PPP2R2C: variants seen among roughly 807,000 people sequenced by gnomAD.
PPP2R2C encodes protein phosphatase 2 regulatory subunit Bgamma.
Under a neutral mutation model 45.3 loss-of-function variants are expected in PPP2R2C, and 10 were observed. The ratio of observed to expected loss-of-function variants is 0.22; its 90% confidence interval spans 0.14 to 0.37. The LOEUF (loss-of-function observed/expected upper bound fraction) is 0.37. Ranked by LOEUF, PPP2R2C falls within the 10% of genes least tolerant of loss-of-function variation. The pLI is 1.00. For missense variants in PPP2R2C, 308 were observed against 619.7 expected, an observed-to-expected ratio of 0.50 and a Z score of 5.34; for synonymous variants, 257 against 245.4, an observed-to-expected ratio of 1.05 and a Z score of -0.44.
At chr4:6,379,085 C>T (rs545546474) in intron 2 of PPP2R2C, among the ~76,000 whole-genome samples, 2 of 152,192 alleles carry the variant, frequency 1.3e-5, no homozygotes, top group East Asian at 1.9e-4. Flanking sequence ...CTGGATTCCA[C>T]GTGTCCAACT....
chr4:6,443,214 G>T (rs764293150), intron 1 of PPP2R2C, among the ~76,000 whole-genome samples: 3 of 152,158 alleles, frequency 2.0e-5, no homozygotes, highest in Non-Finnish European at 4.4e-5. Context: ...GCAGGTGCCC[G>T]GCCGCCGCCT....
In PPP2R2C at chr4:6,335,101, T is replaced by C. The variant is rs1020018505; in HGVS notation, c.791-1370A>G. Among the ~76,000 whole-genome samples, 4 of 152,184 alleles carry C rather than the reference T, an allele frequency of 2.6e-5. No homozygotes were observed. In the East Asian group the frequency reaches 5.8e-4, roughly 22 times the overall value. ...TTCATTCATTCATTTATTCACTCAG[T>C]CAACCAATGCAAACAGCACCTACTC... On this transcript the variant is annotated intron_variant, in intron 6 of 8. Coordinates refer to ENST00000382599, the MANE Select transcript of PPP2R2C (RefSeq NM_020416.4).
At chr4:6,470,363 G>A (rs1468937455) in intron 1 of PPP2R2C, among the ~76,000 whole-genome samples, 2 of 152,220 alleles carry the variant, frequency 1.3e-5, no homozygotes, top group Non-Finnish European at 2.9e-5. Flanking sequence ...CCGTTCCTGT[G>A]CCCTGCTGAG....
chr4:6,411,278 ATCC>A (rs1718174605), intron 1 of PPP2R2C, among the ~76,000 whole-genome samples: 1 of 152,060 alleles, frequency 6.6e-6, no homozygotes, highest in Non-Finnish European at 1.5e-5. Context: ...AGCCCCTGCA[ATCC>A]TCCTCCTCAC....
At chr4:6,367,074 G>C in intron 5 of PPP2R2C, among the ~76,000 whole-genome samples, 1 of 151,530 alleles carries the variant, frequency 6.6e-6, no homozygotes, top group East Asian at 1.9e-4. Context: ...AGGCTGGGAG[G>C]GCTCCTCTTC....
chr4:6,529,719 C>A (rs1424500840), intron 2 of PPP2R2C, among the ~76,000 whole-genome samples: 1 of 152,220 alleles, frequency 6.6e-6, no homozygotes, highest in South Asian at 2.1e-4. Flanking sequence ...AGACCGTGAG[C>A]CCTAGGTCTG....
intron 1 of PPP2R2C, among the ~76,000 whole-genome samples, chr4:6,385,309 T>G (rs16838703): frequency 1.3e-5 from 2 of 152,310 alleles, no homozygotes; most frequent in South Asian, 4.1e-4. Context: ...GGATGTTTAA[T>G]GTCTACTCAT....
At chr4:6,475,408 C>T (rs1189953238), upstream of PPP2R2C, among the ~76,000 whole-genome samples, 1 of 152,178 alleles carries the variant, frequency 6.6e-6, no homozygotes. Context: ...TCCCTTCAGC[C>T]ACCAGCACAT....
At chr4:6,337,130 A>G (rs1351885148) in intron 6 of PPP2R2C, among the ~76,000 whole-genome samples, 2,300 of 53,374 alleles carry the variant, frequency 0.043, 253 homozygotes, top group African/African-American at 0.18. Context: ...ATATATATAT[A>G]TATATATATA....
chr4:6,518,187 A>G (rs1337434496), intron 2 of PPP2R2C, among the ~76,000 whole-genome samples: 2 of 152,256 alleles, frequency 1.3e-5, no homozygotes, highest in East Asian at 3.8e-4. Flanking sequence ...CATTGAATGT[A>G]CATATTAGAA....
intron 1 of PPP2R2C, among the ~76,000 whole-genome samples, chr4:6,447,757 A>C (rs1449394486): frequency 6.6e-6 from 1 of 152,094 alleles, no homozygotes; most frequent in Non-Finnish European, 1.5e-5. Context: ...TCGTAGGAAC[A>C]GCGTGACCTG....
rs1560593937 is a variant in PPP2R2C, at chr4:6,511,549, G to A, written c.49+23722C>T. On this transcript the variant is annotated intron_variant, in intron 2 of 9. Coordinates refer to the PPP2R2C transcript ENST00000506140. The stretch of plus-strand genomic sequence containing the variant: ...GATGGTGGTGGTGGTGGTGGTGATG[G>A]TGGTGGTGGTGGTGGTGGTGGTGAT... 1.2e-4 allele frequency among the ~76,000 whole-genome samples: 4 copies of A among 33,826 alleles called. 1 individual carries two copies. Among genetic ancestry groups the A allele is most frequent in the Non-Finnish European group, 2.8e-4 (4 of 14,490 alleles). The allele number at this position is 33,826 out of a possible 152,430, so 22.2% of individuals were successfully genotyped here.
At chr4:6,344,231 G>T (rs1410533206) in intron 6 of PPP2R2C, among the ~76,000 whole-genome samples, 1 of 152,240 alleles carries the variant, frequency 6.6e-6, no homozygotes, top group Non-Finnish European at 1.5e-5. Flanking sequence ...ATCTGCCGAG[G>T]CCCTAAAAGT....
chr4:6,399,727 A>C (rs1717286952), intron 1 of PPP2R2C, among the ~76,000 whole-genome samples: 1 of 152,210 alleles, frequency 6.6e-6, no homozygotes, highest in Non-Finnish European at 1.5e-5. Context: ...TCGGATGCTG[A>C]GAAAGGCAGA....
intron 2 of PPP2R2C, among the ~76,000 whole-genome samples, chr4:6,533,616 G>A (rs1206115586): frequency 5.3e-5 from 8 of 152,198 alleles, no homozygotes; most frequent in East Asian, 1.9e-4. Flanking sequence ...CCTGGGGACC[G>A]TAAGTCTGCA....
chr4:6,447,185 G>C (rs1039045896), intron 1 of PPP2R2C, among the ~76,000 whole-genome samples: 1 of 152,138 alleles, frequency 6.6e-6, no homozygotes, highest in Non-Finnish European at 1.5e-5. Flanking sequence ...GAGCTGGGTA[G>C]AGAGGGTGGG....
intron 6 of PPP2R2C, among the ~76,000 whole-genome samples, chr4:6,344,719 G>T (rs1280867173): frequency 6.6e-6 from 1 of 152,220 alleles, no homozygotes; most frequent in Non-Finnish European, 1.5e-5. Flanking sequence ...ACAACTTAGT[G>T]TATTTCTTTC....
At chr4:6,562,609 G>C (rs558275424) in intron 1 of PPP2R2C, among the ~76,000 whole-genome samples, 2 of 152,252 alleles carry the variant, frequency 1.3e-5, no homozygotes, top group African/African-American at 2.4e-5. Flanking sequence ...AGGGAGGAGG[G>C]AAGAAAGCAA....
intron 1 of PPP2R2C, chr4:6,421,142 C>A: frequency 1.0e-6 from 1 of 984,462 alleles, no homozygotes; most frequent in Non-Finnish European, 1.2e-6. Context: ...CTAGGCTCAG[C>A]CCATCACACA....
Sources: allele counts gnomAD v4.1 joint callset (sites outside exome capture counted in the v4.1 genomes callset), GRCh38; gene constraint gnomAD v4.1.1; transcripts MANE v1.5; gene names NCBI Gene and HGNC (gene_info 2026-07-23, HGNC 2026-07-21).